The following COL23A1 variants were observed in gnomAD, a reference collection of about 807,000 sequenced individuals.
COL23A1 encodes the protein collagen alpha-1(XXIII) chain.
A neutral mutation model predicts 99.3 loss-of-function variants in COL23A1; 97 were observed. The ratio of observed to expected loss-of-function variants is 0.98; its 90% CI spans 0.83 to 1.16. The LOEUF is 1.16. COL23A1 is among the 50% of genes most tolerant of loss of function. The pLI is 0.00. For synonymous variants in COL23A1, 320 were observed against 308.2 expected (o/e 1.04, Z -0.40); for missense variants, 762 against 757.4 (o/e 1.01, Z -0.07).
intron 2 of COL23A1, among the ~76,000 whole-genome samples, chr5:178,541,851 T>C (rs2113341288): frequency 6.6e-6 from 1 of 152,306 alleles, no homozygotes; most frequent in Non-Finnish European, 1.5e-5. Flanking sequence ...CACGTGCTTC[T>C]ATATGAAGTT....
intron 1 of COL23A1, among the ~76,000 whole-genome samples, chr5:178,584,318 AC>A (rs1359481321): frequency 8.6e-5 from 13 of 150,462 alleles, no homozygotes; most frequent in African/African-American, 3.2e-4. Context: ...CCACACACAC[AC>A]ACACACACAC....
intron 3 of COL23A1, among the ~76,000 whole-genome samples, chr5:178,292,410 C>T (rs748355776): frequency 1.3e-5 from 2 of 152,216 alleles, no homozygotes; most frequent in African/African-American, 2.4e-5. Context: ...CTGAAACATG[C>T]TCTAATTCCT....
At chr5:178,264,409 C>T (rs1370726193) in intron 8 of COL23A1, among the ~76,000 whole-genome samples, 1 of 152,010 alleles carries the variant, frequency 6.6e-6, no homozygotes, top group African/African-American at 2.4e-5. Context: ...AACTTTAGAA[C>T]CTGATGTTAG....
At chr5:178,274,609 C>T (rs941123675) in intron 5 of COL23A1, among the ~76,000 whole-genome samples, 9 of 152,182 alleles carry the variant, frequency 5.9e-5, no homozygotes, top group Non-Finnish European at 1.0e-4. Context: ...GGCAGCCCTC[C>T]CCTGCCCCAG....
At chr5:178,578,575 C>T (rs1278030126) in intron 1 of COL23A1, among the ~76,000 whole-genome samples, 1 of 152,142 alleles carries the variant, frequency 6.6e-6, no homozygotes, top group Non-Finnish European at 1.5e-5. Flanking sequence ...ATTCTAATTG[C>T]TTTATGCCTT....
chr5:178,342,330 C>T (rs1581185165), intron 2 of COL23A1, among the ~76,000 whole-genome samples: 1 of 152,218 alleles, frequency 6.6e-6, no homozygotes, highest in Non-Finnish European at 1.5e-5. Flanking sequence ...TTCCTGGCAT[C>T]CTTTTTCTCA....
intron 2 of COL23A1, among the ~76,000 whole-genome samples, chr5:178,358,729 GTGTATGTGTATC>G (rs981655799): frequency 1.4e-4 from 16 of 112,984 alleles, no homozygotes; most frequent in African/African-American, 4.1e-4. Context: ...ATGTGTATGT[GTGTATGTGTATC>G]TGTGTGTGTA....
At position 178,307,536 on chromosome 5, in the gene COL23A1, G is replaced by A. The variant is rs573609137; in HGVS notation, c.362-617C>T. On this transcript the variant is annotated intron_variant, in intron 2 of 28. Coordinates refer to ENST00000390654, the MANE Select transcript of COL23A1 (RefSeq NM_173465.4). The surrounding 1 kb of genome is among the most constrained non-coding windows in gnomAD (Gnocchi z 4.2). ...CTGTCCACGTCTGTCCTCCATCCGC[G>A]CGCTATAAGCCCTTCTGAATTTACG... Among the ~76,000 whole-genome samples, 13 of 152,272 alleles carry A rather than the reference G, an allele frequency of 8.5e-5. No homozygotes were observed. In the South Asian group the frequency reaches 1.0e-3, roughly 12 times the overall value.
At chr5:178,419,767 A>G (rs867303871) in intron 2 of COL23A1, among the ~76,000 whole-genome samples, 24 of 152,360 alleles carry the variant, frequency 1.6e-4, no homozygotes, top group Middle Eastern at 3.4e-3. Flanking sequence ...ACTTACTAGT[A>G]TGCACCTGTA....
At chr5:178,391,918 C>T (rs12659358) in intron 2 of COL23A1, among the ~76,000 whole-genome samples, 55,819 of 151,868 alleles carry the variant, frequency 0.37, 11,573 homozygotes, top group East Asian at 0.8. Flanking sequence ...GTACTGACAC[C>T]GGGATGAACA....
chr5:178,421,231 G>A (rs780647750), intron 2 of COL23A1, among the ~76,000 whole-genome samples: 14 of 152,228 alleles, frequency 9.2e-5, no homozygotes, highest in Non-Finnish European at 1.6e-4. Context: ...ATGAGTATGC[G>A]CAATAAGAAA....
At chr5:178,297,651 G>A (rs1012960157) in intron 3 of COL23A1, among the ~76,000 whole-genome samples, 2 of 152,192 alleles carry the variant, frequency 1.3e-5, no homozygotes, top group Admixed American at 6.5e-5. Flanking sequence ...TTTACTTGTG[G>A]GTCGGGGACT....
chr5:178,362,572 C>T (rs886301447), intron 2 of COL23A1, among the ~76,000 whole-genome samples: 1 of 152,194 alleles, frequency 6.6e-6, no homozygotes, highest in African/African-American at 2.4e-5. Flanking sequence ...CCCTTGCCAC[C>T]GGCAGGTGAC....
At chr5:178,364,015 C>T (rs1762318986) in intron 2 of COL23A1, among the ~76,000 whole-genome samples, 1 of 152,220 alleles carries the variant, frequency 6.6e-6, no homozygotes, top group Non-Finnish European at 1.5e-5. Context: ...CCATCAGACC[C>T]CTCCACCTGA....
intron 2 of COL23A1, among the ~76,000 whole-genome samples, chr5:178,329,470 C>A (rs1259056431): frequency 1.3e-5 from 2 of 152,184 alleles, no homozygotes; most frequent in African/African-American, 4.8e-5. Flanking sequence ...CCAAAAAGCA[C>A]CCATGCCTAC....
At position 178,365,136 on chromosome 5, in the gene COL23A1, CGTGT is replaced by C. The variant is rs55995523; in HGVS notation, c.362-58221_362-58218del. 0.48 allele frequency among the ~76,000 whole-genome samples: 71,613 copies of C among 147,706 alleles called. 17,818 individuals are homozygous for C. Among genetic ancestry groups the C allele is most frequent in the Non-Finnish European group, 0.56 (37,687 of 66,838 alleles). ...GGGCTTTATGATGTTGCTGTGTGTG[CGTGT>C]GTGTGTGTGTGTGTGTGTGTGTGTG... On this transcript the variant is annotated intron_variant, in intron 2 of 28. Coordinates refer to ENST00000390654, the MANE Select transcript of COL23A1 (RefSeq NM_173465.4). The surrounding 1 kb of genome is among the most constrained non-coding windows in gnomAD (Gnocchi z 5.2).
chr5:178,578,063 G>A (rs1244503372), intron 1 of COL23A1, among the ~76,000 whole-genome samples: 1 of 151,152 alleles, frequency 6.6e-6, no homozygotes, highest in Non-Finnish European at 1.5e-5. Flanking sequence ...ACACCCACAT[G>A]CACACACACA....
intron 5 of COL23A1, among the ~76,000 whole-genome samples, chr5:178,285,522 C>T (rs1757105098): frequency 2.0e-5 from 3 of 152,212 alleles, no homozygotes; most frequent in Non-Finnish European, 4.4e-5. Context: ...TGAAACCCAT[C>T]TTTTCTTCTA....
At chr5:178,257,981 CT>C (rs1765400237) in intron 12 of COL23A1, among the ~76,000 whole-genome samples, 1 of 152,190 alleles carries the variant, frequency 6.6e-6, no homozygotes, top group Non-Finnish European at 1.5e-5. Context: ...GGGAAGACTG[CT>C]TGAGCCCAGG....
Sources: allele counts gnomAD v4.1 joint callset (sites outside exome capture counted in the v4.1 genomes callset), GRCh38; gene constraint gnomAD v4.1.1; non-coding constraint Gnocchi (gnomAD v3.1); transcripts MANE v1.5; gene names NCBI Gene and HGNC (gene_info 2026-07-23, HGNC 2026-07-21).